Variants in HEATR5A observed in about 807,000 individuals in gnomAD.
The protein encoded by HEATR5A is HEAT repeat-containing protein 5A.
In HEATR5A, 178 loss-of-function variants were observed where a neutral mutation model predicts 218.8. The observed-to-expected ratio is 0.81, with a 90% CI of 0.72 to 0.92. HEATR5A has a LOEUF of 0.92. Ranked by LOEUF, HEATR5A falls within the 40% of genes least tolerant of loss-of-function variation. The pLI, the probability that HEATR5A is intolerant of heterozygous loss-of-function variation, is 0.00. For synonymous variants in HEATR5A, 864 were observed against 871.6 expected (o/e 0.99, Z 0.15); for missense variants, 2,420 against 2,418.9 (o/e 1.00, Z -0.01).
Position 31,387,114 on chromosome 14 carries a change from C to A in HEATR5A, c.1189+6G>T. 1 of 1,613,858 alleles carries A rather than the reference C, an allele frequency of 6.2e-7. No homozygotes were observed. On this transcript the variant is annotated splice_donor_region_variant and intron_variant, in intron 8 of 35. Coordinates refer to ENST00000543095, the MANE Select transcript of HEATR5A (RefSeq NM_015473.4). ...TTAAACAAACTGTCTTAGTAGAGAT[C>A]CATACCCATAACTTTCTTTAGCTTC...
chr14:31,325,392 C>T (rs28548120), intron 23 of HEATR5A, among the ~76,000 whole-genome samples: 2,358 of 151,960 alleles, frequency 0.016, 55 homozygotes, highest in African/African-American at 0.054. Context: ...GTGAAACTGG[C>T]TTGCTCAAAA....
Position 31,316,425 on chromosome 14 carries a change from G to T in HEATR5A, c.4039-476C>A, listed in dbSNP as rs1899914570. Among the ~76,000 whole-genome samples, 6 of 152,276 alleles carry T rather than the reference G, an allele frequency of 3.9e-5. No homozygotes were observed. The South Asian group carries it at 1.2e-3, about 32-fold the overall frequency. On this transcript the variant is annotated intron_variant, in intron 26 of 35. Coordinates refer to ENST00000543095, the MANE Select transcript of HEATR5A (RefSeq NM_015473.4). ...GCTATTGCTTTCGAGAAATCCTATGGAAGGAGACTGATAATGATAGTCAAA... is the reference window on the plus strand; with the variant it reads ...GCTATTGCTTTCGAGAAATCCTATGTAAGGAGACTGATAATGATAGTCAAA...
intron 9 of HEATR5A, among the ~76,000 whole-genome samples, chr14:31,384,850 C>T (rs971451313): frequency 2.3e-4 from 35 of 151,880 alleles, no homozygotes; most frequent in African/African-American, 8.5e-4. Flanking sequence ...ACTTTCTATC[C>T]ACCATGTTGC....
intron 14 of HEATR5A, among the ~76,000 whole-genome samples, chr14:31,360,834 G>C (rs931916448): frequency 2.6e-5 from 4 of 151,550 alleles, no homozygotes; most frequent in African/African-American, 7.3e-5. Context: ...ATTTATTGAA[G>C]CTTACTTTTT....
chr14:31,417,894 T>C (rs931530058), intron 1 of HEATR5A, among the ~76,000 whole-genome samples: 1 of 152,090 alleles, frequency 6.6e-6, no homozygotes, highest in South Asian at 2.1e-4. Flanking sequence ...GACATTATAA[T>C]GAAAAACCAA....
intron 22 of HEATR5A, among the ~76,000 whole-genome samples, chr14:31,334,156 A>T (rs944485634): frequency 3.9e-5 from 6 of 152,194 alleles, no homozygotes; most frequent in African/African-American, 7.2e-5. Context: ...CTCAGAAAAA[A>T]AAAAAGATTA....
Position 31,374,452 on chromosome 14 carries a change from T to C in HEATR5A, c.1861+364A>G, listed in dbSNP as rs150201307. Among the ~76,000 whole-genome samples the C allele has an allele frequency of 1.9e-3, 286 of 152,238 alleles. 5 individuals are homozygous for C. Among genetic ancestry groups the C allele is most frequent in the African/African-American group, 6.5e-3 (270 of 41,540 alleles). On this transcript the variant is annotated intron_variant, in intron 12 of 35. Coordinates refer to ENST00000543095, the MANE Select transcript of HEATR5A (RefSeq NM_015473.4). ...GGCGCATTGGCATCCCTAACCTCCA[T>C]GCTGTTCAAGGGTCAACTGTATAGG...
Position 31,292,109 on chromosome 14 carries a change from A to AATC in HEATR5A, c.*1193_*1195dup, listed in dbSNP as rs1899049523. The AATC allele has an allele frequency of 6.6e-6, 1 of 152,234 alleles. No individual in the cohort carries two copies. Among genetic ancestry groups the AATC allele is most frequent in the Non-Finnish European group, 1.5e-5 (1 of 68,036 alleles). 9.4% of individuals were successfully genotyped at this position (152,234 alleles called of 1,614,324 possible). A position where few individuals can be genotyped will look rare whatever the true frequency, so the allele number is the denominator to read the frequency against. On this transcript the variant is annotated 3_prime_UTR_variant, in exon 36 of 36. Transcript: ENST00000543095. ...TTTCAACCAATATGACTTTATCATT[A>AATC]ATCTTTTTTCTATAATAAAATGTTT...
intron 25 of HEATR5A, among the ~76,000 whole-genome samples, chr14:31,319,217 A>G (rs948893406): frequency 5.3e-5 from 8 of 151,986 alleles, no homozygotes; most frequent in African/African-American, 1.7e-4. Context: ...CAATGGCATG[A>G]TCTCGGCTCA....
At chr14:31,317,057 T>C (rs1487061788) in intron 26 of HEATR5A, among the ~76,000 whole-genome samples, 3 of 152,106 alleles carry the variant, frequency 2.0e-5, no homozygotes, top group Non-Finnish European at 4.4e-5. Context: ...TTGTCTCATC[T>C]CACAAAATAT....
At chr14:31,407,588 A>ATATATATATATATATATATT (rs2031120260) in intron 1 of HEATR5A, among the ~76,000 whole-genome samples, 3 of 344 alleles carry the variant, frequency 8.7e-3, no homozygotes, top group African/African-American at 0.037. Context: ...TTTTATTTAT[A>ATATATATATATATATATATT]TATATATATA....
chr14:31,391,238 G>A (rs894437325), intron 6 of HEATR5A, among the ~76,000 whole-genome samples: 1 of 152,166 alleles, frequency 6.6e-6, no homozygotes. Flanking sequence ...AAGGGTTCAA[G>A]TGATTCTCAT....
chr14:31,362,268 C>T (rs958375904), intron 14 of HEATR5A, among the ~76,000 whole-genome samples: 15 of 151,990 alleles, frequency 9.9e-5, no homozygotes, highest in Admixed American at 9.8e-4. Flanking sequence ...TGTACCTGGC[C>T]TAGAGTTTGT....
intron 32 of HEATR5A, among the ~76,000 whole-genome samples, chr14:31,302,917 C>T (rs1396501160): frequency 2.4e-5 from 3 of 127,298 alleles, no homozygotes; most frequent in African/African-American, 9.4e-5. Context: ...GCCTGGGCAA[C>T]ACAGTGAGAC....
chr14:31,366,392 A>G (rs1901804782), intron 13 of HEATR5A, among the ~76,000 whole-genome samples: 1 of 152,232 alleles, frequency 6.6e-6, no homozygotes, highest in Non-Finnish European at 1.5e-5. Flanking sequence ...CTAACACACA[A>G]AAAGTCTTTC....
At chr14:31,329,887 ATTTT>A (rs1275962426) in intron 22 of HEATR5A, among the ~76,000 whole-genome samples, 3 of 152,066 alleles carry the variant, frequency 2.0e-5, no homozygotes, top group Non-Finnish European at 4.4e-5. Context: ...TAATTTTTCT[ATTTT>A]TAGTAGAGAT....
intron 21 of HEATR5A, among the ~76,000 whole-genome samples, chr14:31,342,078 T>A (rs1486370531): frequency 6.6e-6 from 1 of 152,112 alleles, no homozygotes; most frequent in Non-Finnish European, 1.5e-5. Flanking sequence ...AGAAAGTCAG[T>A]CAAATTCTCT....
At chr14:31,390,882 G>C (rs1217021442) in intron 6 of HEATR5A, among the ~76,000 whole-genome samples, 2 of 152,178 alleles carry the variant, frequency 1.3e-5, no homozygotes, top group South Asian at 2.1e-4. Context: ...AACAGCTTCA[G>C]GTAGGCCCTT....
At chr14:31,361,310 T>C (rs1901608627) in intron 14 of HEATR5A, among the ~76,000 whole-genome samples, 1 of 152,180 alleles carries the variant, frequency 6.6e-6, no homozygotes, top group Non-Finnish European at 1.5e-5. Context: ...AACTATTATG[T>C]TTCATAAAAG....
Sources: allele counts gnomAD v4.1 joint callset (sites outside exome capture counted in the v4.1 genomes callset), GRCh38; gene constraint gnomAD v4.1.1; transcripts MANE v1.5; gene names NCBI Gene and HGNC (gene_info 2026-07-23, HGNC 2026-07-21).